SLC22A16: variants seen among roughly 807,000 people sequenced by gnomAD.
SLC22A16 encodes the protein WUGSC:RG331P03.1.
SLC22A16 carries 53 observed loss-of-function variants against 52.9 expected under a neutral mutation model. The observed-to-expected ratio is 1.00, with a 90% CI of 0.80 to 1.26. SLC22A16 has a LOEUF of 1.26. Among genes scored for constraint, SLC22A16 ranks in the 50% most tolerant of loss-of-function variants. The probability of loss-of-function intolerance (pLI) is 0.00; values close to 1 mark genes in which losing one functional copy is unlikely to be tolerated. For missense variants in SLC22A16, 726 were observed against 704.0 expected, an observed-to-expected ratio of 1.03 and a Z score of -0.35; for synonymous variants, 291 against 268.8, an observed-to-expected ratio of 1.08 and a Z score of -0.81.
At chr6:110,476,344 G>A in intron 1 of SLC22A16, 178 bp downstream of exon 1, 1 of 1,388,150 alleles carries the variant, frequency 7.2e-7, no homozygotes, top group Non-Finnish European at 9.3e-7. Flanking sequence ...CAGAGGCCTA[G>A]AGGAGAAGCC....
chr6:110,438,825 G>A lies in SLC22A16; in HGVS notation c.1206C>T (p.Tyr402=), dbSNP rs1241343578. 1 of 1,614,144 alleles carries A rather than the reference G, an allele frequency of 6.2e-7. No individual in the cohort carries two copies. The highest frequency in any genetic ancestry group is 8.5e-7 in the Non-Finnish European group (1 of 1,179,994). Residue 402 remains tyrosine (Y), a synonymous_variant, in exon 5 of 8, where the codon TAC becomes TAT. Coordinates refer to ENST00000368919, the MANE Select transcript of SLC22A16 (RefSeq NM_033125.4). Reference sequence around the variant, plus strand: ...TGTCCATGGCGATGCACACGAAGGTGTAGGCGGGAATTTCCACTACACCTG... The same window carrying A: ...TGTCCATGGCGATGCACACGAAGGTATAGGCGGGAATTTCCACTACACCTG... ...FLLGVVEIPA[Y]TFVCIAMDKV... is the part of the protein sequence containing the mutation.
At chr6:110,453,013 TC>T (rs1775444039) in intron 2 of SLC22A16, among the ~76,000 whole-genome samples, 1 of 152,234 alleles carries the variant, frequency 6.6e-6, no homozygotes, top group Non-Finnish European at 1.5e-5. Flanking sequence ...GATGACTTTT[TC>T]TGAGTTATCA....
intron 1 of SLC22A16, among the ~76,000 whole-genome samples, chr6:110,459,981 C>G (rs938093011): frequency 6.6e-6 from 1 of 152,108 alleles, no homozygotes; most frequent in East Asian, 1.9e-4. Flanking sequence ...GCATAGCAGA[C>G]CTTTGAACAG....
intron 6 of SLC22A16, among the ~76,000 whole-genome samples, chr6:110,435,635 A>G (rs1292378065): frequency 6.6e-6 from 1 of 152,214 alleles, no homozygotes; most frequent in Non-Finnish European, 1.5e-5. Context: ...TGTTTTTGGA[A>G]TAATAGAGTG....
At chr6:110,429,501 C>T (rs929401026) in intron 7 of SLC22A16, among the ~76,000 whole-genome samples, 3 of 152,186 alleles carry the variant, frequency 2.0e-5, no homozygotes, top group African/African-American at 7.2e-5. Context: ...TAGTATAACA[C>T]CCATGACTTC....
intron 2 of SLC22A16, among the ~76,000 whole-genome samples, chr6:110,448,621 A>C (rs1775263245): frequency 1.3e-5 from 2 of 152,150 alleles, no homozygotes; most frequent in African/African-American, 2.4e-5. Flanking sequence ...ATGTTCCCCA[A>C]TCTAATTTTA....
At chr6:110,427,244 T>C (rs1414114324) in intron 7 of SLC22A16, among the ~76,000 whole-genome samples, 1 of 51,714 alleles carries the variant, frequency 1.9e-5, no homozygotes, top group African/African-American at 1.1e-4. Flanking sequence ...TGAGACCCAA[T>C]CTCAAAAAAA....
At chr6:110,469,149 T>A (rs757695007) in intron 1 of SLC22A16, among the ~76,000 whole-genome samples, 18 of 152,152 alleles carry the variant, frequency 1.2e-4, no homozygotes, top group Non-Finnish European at 2.2e-4. Context: ...AGAAGTCAAT[T>A]CTCCCCTCTT....
In SLC22A16 at chr6:110,424,696, CTG is replaced by C. The variant is rs373496279; in HGVS notation, c.*175_*176del. 6.4e-4 allele frequency: 482 copies of C among 751,852 alleles called. 2 individuals carry two copies. In the African/African-American group the frequency reaches 7.8e-3, roughly 12 times the overall value. 46.6% of individuals were successfully genotyped at this position (751,852 alleles called of 1,614,324 possible). On this transcript the variant is annotated 3_prime_UTR_variant, in exon 8 of 8. Coordinates refer to ENST00000368919, the MANE Select transcript of SLC22A16 (RefSeq NM_033125.4). Reference sequence around the variant, plus strand: ...AGCAATAAGAAAGCAGTTTTTAAAACTGAGAATTTTCATCTTAGTTTTTATTT... The same window carrying C: ...AGCAATAAGAAAGCAGTTTTTAAAACAGAATTTTCATCTTAGTTTTTATTT...
chr6:110,448,703 C>G (rs940614971), intron 2 of SLC22A16, among the ~76,000 whole-genome samples: 4 of 152,204 alleles, frequency 2.6e-5, no homozygotes, highest in Non-Finnish European at 4.4e-5. Flanking sequence ...AACAACTTCT[C>G]TCTCTGTAGA....
chr6:110,466,466 G>C (rs1776065446), intron 1 of SLC22A16, among the ~76,000 whole-genome samples: 1 of 151,542 alleles, frequency 6.6e-6, no homozygotes. Flanking sequence ...AGTAGGCAAA[G>C]GACATAAACA....
At chr6:110,447,613 C>T (rs1337337775) in intron 2 of SLC22A16, among the ~76,000 whole-genome samples, 3 of 152,114 alleles carry the variant, frequency 2.0e-5, no homozygotes, top group East Asian at 1.9e-4. Flanking sequence ...TTCCAGGATA[C>T]GTTAATCACT....
chr6:110,476,290 C>T, intron 1 of SLC22A16: 1 of 1,323,122 alleles, frequency 7.6e-7, no homozygotes, highest in Non-Finnish European at 9.8e-7. Context: ...AGGCGCACTC[C>T]GAGCGAGCCC....
intron 6 of SLC22A16, among the ~76,000 whole-genome samples, chr6:110,434,994 A>G (rs1774668003): frequency 1.3e-5 from 2 of 152,222 alleles, no homozygotes; most frequent in South Asian, 2.1e-4. Flanking sequence ...AGAAAAAAAA[A>G]TCCCCAGTGT....
At chr6:110,429,591 G>T (rs9320332) in intron 7 of SLC22A16, among the ~76,000 whole-genome samples, 39,333 of 152,040 alleles carry the variant, frequency 0.26, 5,401 homozygotes, top group East Asian at 0.37. Context: ...ATGACAGCAT[G>T]GGTGGCACAC....
intron 2 of SLC22A16, chr6:110,455,331 T>C (rs1021321174): frequency 6.6e-6 from 1 of 152,080 alleles, no homozygotes; most frequent in Admixed American, 6.6e-5. Flanking sequence ...AAGTGATAAT[T>C]TGTATAACAG....
chr6:110,442,450 A>G lies in SLC22A16; in HGVS notation c.977T>C (p.Leu326Ser). The G allele has an allele frequency of 6.2e-7, 1 of 1,614,240 alleles. No individual in the cohort carries two copies. Residue 326 changes from leucine (L) to serine (S), a missense_variant, in exon 4 of 8, where the codon TTA (leucine) becomes TCA (serine). Leu to Ser is a moderately radical substitution (Grantham distance 145). Transcript: ENST00000368919. ...RASSCKLSEL[L>S]SLDLQGPVSN... is the part of the protein sequence containing the mutation. The stretch of plus-strand genomic sequence containing the variant: ...AACAGGACCTTGTAGGTCCAGTGAT[A>G]AAAGTTCTGACAGTTTACAGGAGCT...
chr6:110,432,785 CA>C (rs772909122), intron 6 of SLC22A16, among the ~76,000 whole-genome samples: 1 of 152,206 alleles, frequency 6.6e-6, no homozygotes, highest in African/African-American at 2.4e-5. Context: ...TACATCTGTG[CA>C]GGGCTGCCAC....
At chr6:110,446,350 C>A (rs2114952542) in intron 3 of SLC22A16, among the ~76,000 whole-genome samples, 1 of 152,284 alleles carries the variant, frequency 6.6e-6, no homozygotes, top group East Asian at 1.9e-4. Context: ...AGATTCTTTT[C>A]TACAGTTTAC....
Sources: gnomAD v4.1 joint callset for allele counts (sites outside exome capture counted in the v4.1 genomes callset) on GRCh38, gnomAD v4.1.1 for gene constraint, MANE v1.5 for transcripts, NCBI Gene and HGNC (gene_info 2026-07-23, HGNC 2026-07-21) for gene names.